The following TATDN2 variants were observed in gnomAD, a reference collection of about 807,000 sequenced individuals.
TATDN2 encodes TatD DNase domain containing 2.
A neutral mutation model predicts 60.3 loss-of-function variants in TATDN2; 44 were observed. The observed-to-expected ratio is 0.73, with a 90% confidence interval of 0.57 to 0.94. The LOEUF (loss-of-function observed/expected upper bound fraction) is 0.94. Ranked by LOEUF, TATDN2 falls within the 40% of genes least tolerant of loss-of-function variation. The pLI is 0.00. For synonymous variants in TATDN2, 399 were observed against 355.8 expected (o/e 1.12, Z -1.37); for missense variants, 997 against 948.0 (o/e 1.05, Z -0.68).
intron 3 of TATDN2, among the ~76,000 whole-genome samples, chr3:10,262,563 T>G (rs1698422329): frequency 7.6e-6 from 1 of 131,988 alleles, no homozygotes; most frequent in South Asian, 2.5e-4. Context: ...AGGTGGAGTC[T>G]CGTTCTGTCT....
At chr3:10,253,641 T>G (rs992984053) in intron 2 of TATDN2, among the ~76,000 whole-genome samples, 1 of 152,244 alleles carries the variant, frequency 6.6e-6, no homozygotes, top group Admixed American at 6.5e-5. Flanking sequence ...AGGGAAAATT[T>G]GAGCATGTAT....
intron 2 of TATDN2, among the ~76,000 whole-genome samples, chr3:10,255,217 T>C (rs1698291098): frequency 6.6e-6 from 1 of 151,890 alleles, no homozygotes; most frequent in African/African-American, 2.4e-5. Context: ...TTTTGCCATG[T>C]TGCCCAGGCT....
Position 10,270,488 on chromosome 3 carries a change from G to C in TATDN2, c.1306G>C (p.Ala436Pro), listed in dbSNP as rs776992008. 2 of 1,614,186 alleles carry C rather than the reference G, an allele frequency of 1.2e-6. No individual in the cohort carries two copies. Among genetic ancestry groups the C allele is most frequent in the South Asian group, 1.1e-5 (1 of 91,086 alleles). The part of the protein sequence containing the change: ...SVQNTSRDME[A>P]SEEGWSQNSR... ...CCAAAACACCTCCAGAGACATGGAG[G>C]CCTCAGAGGAAGGCTGGTCCCAGAA... Residue 436 changes from alanine (A) to proline (P), a missense_variant, in exon 4 of 8, where the codon GCC (alanine) becomes CCC (proline). Physicochemically the swap from Ala to Pro is conservative, Grantham distance 27 (BLOSUM62 -1). Transcript: ENST00000448281.
chr3:10,276,581 ACTAT>A (rs1455329425), intron 5 of TATDN2, 93 bp downstream of exon 5: 21 of 1,483,864 alleles, frequency 1.4e-5, no homozygotes, highest in East Asian at 2.4e-5. Flanking sequence ...GTCATTATAC[ACTAT>A]CTATTCTTTT....
At chr3:10,263,867 G>C (rs1630999) in intron 3 of TATDN2, among the ~76,000 whole-genome samples, 64,846 of 151,752 alleles carry the variant, frequency 0.43, 14,922 homozygotes, top group East Asian at 0.95. Context: ...GGATGATCGG[G>C]AGAATATAAC....
intron 3 of TATDN2, 80 bp downstream of exon 3, chr3:10,260,750 G>A (rs1398131213): frequency 2.0e-6 from 3 of 1,485,880 alleles, no homozygotes; most frequent in East Asian, 4.6e-5. Context: ...TTGATCCTAA[G>A]TGTTACTAAT....
At chr3:10,263,543 C>T (rs998550345) in intron 3 of TATDN2, among the ~76,000 whole-genome samples, 14 of 152,076 alleles carry the variant, frequency 9.2e-5, no homozygotes, top group Non-Finnish European at 1.5e-4. Context: ...TTTTCTTTAT[C>T]TTCCAACCCA....
chr3:10,255,669 C>T (rs1046224950), intron 2 of TATDN2, among the ~76,000 whole-genome samples: 1 of 152,090 alleles, frequency 6.6e-6, no homozygotes, highest in Non-Finnish European at 1.5e-5. Context: ...AGGCTGGGTG[C>T]GGTGGCTCAT....
At position 10,278,423 on chromosome 3, in the gene TATDN2, C is replaced by A. The variant is rs1169463786; in HGVS notation, c.2106C>A (p.Ile702=). The A allele has an allele frequency of 5.6e-6, 9 of 1,613,818 alleles. No individual in the cohort carries two copies. The highest frequency in any genetic ancestry group is 7.6e-6 in the Non-Finnish European group (9 of 1,179,844). The change falls in exon 6 of 8, where the codon ATC becomes ATA. Residue 702 remains isoleucine (I), a synonymous_variant. Coordinates refer to ENST00000448281, the MANE Select transcript of TATDN2 (RefSeq NM_014760.4). The surrounding 1 kb of genome is among the most constrained non-coding windows in gnomAD (Gnocchi z 4.7). ...TGAGGCAGATCCCACTGGAGAGAAT[C>A]ATCGTGGAAACGGATGCTCCCTATT... ...EALRQIPLER[I]IVETDAPYFL...
intron 3 of TATDN2, among the ~76,000 whole-genome samples, chr3:10,263,451 T>A (rs1698435685): frequency 6.6e-6 from 1 of 152,178 alleles, no homozygotes; most frequent in Admixed American, 6.5e-5. Flanking sequence ...GATGTTGGAT[T>A]TTTCAGGACT....
chr3:10,278,705 C>T lies in TATDN2; in HGVS notation c.2146-180C>T, dbSNP rs1213495836. On this transcript the variant is annotated intron_variant, in intron 6 of 7. Transcript: ENST00000448281. The surrounding 1 kb of genome is among the most constrained non-coding windows in gnomAD (Gnocchi z 4.7). The stretch of plus-strand genomic sequence containing the variant: ...CCCTGTAGAGGGTAGTCCAAGGAAG[C>T]GTGGGACCCTGCTCACCCAGAGCCC... The T allele has an allele frequency of 2.3e-5, 24 of 1,048,524 alleles. No individual in the cohort carries two copies. Among genetic ancestry groups the T allele is most frequent in the South Asian group, 8.1e-5 (6 of 74,380 alleles). 65.0% of individuals were successfully genotyped at this position (1,048,524 alleles called of 1,614,324 possible). A position where few individuals can be genotyped will look rare whatever the true frequency, so the allele number is the denominator to read the frequency against.
intron 4 of TATDN2, among the ~76,000 whole-genome samples, chr3:10,271,357 G>A (rs1180082819): frequency 1.3e-5 from 2 of 152,198 alleles, no homozygotes; most frequent in Non-Finnish European, 2.9e-5. Context: ...TTTTGCCCAG[G>A]CTTTGGAGTG....
chr3:10,258,558 C>T (rs1412675036), intron 2 of TATDN2, among the ~76,000 whole-genome samples: 1 of 151,806 alleles, frequency 6.6e-6, no homozygotes, highest in Non-Finnish European at 1.5e-5. Context: ...GCAACCTCTG[C>T]CTTCCGATTC....
chr3:10,260,205 T>C lies in TATDN2; in HGVS notation c.483T>C (p.Asn161=), dbSNP rs577835820. Residue 161 remains asparagine, a synonymous_variant, in exon 3 of 8, where the codon AAT becomes AAC. Transcript: ENST00000448281. ...TTGCAGCTGAAGCTGAGGGTCAGAA[T>C]GATACAATTGAGGAACCCAACAAGG... ...SEFAAEAEGQ[N]DTIEEPNKVQ... is the part of the protein sequence containing the mutation. 1.2e-5 allele frequency: 19 copies of C among 1,614,090 alleles called. No homozygotes were observed. The South Asian group carries it at 2.1e-4, about 18-fold the overall frequency.
chr3:10,262,752 C>G (rs890587836), intron 3 of TATDN2, among the ~76,000 whole-genome samples: 2 of 151,254 alleles, frequency 1.3e-5, no homozygotes, highest in East Asian at 3.9e-4. Flanking sequence ...CCAGGCTGGT[C>G]TCAAACTTCT....
Position 10,270,276 on chromosome 3 carries a change from C to T in TATDN2, c.1094C>T (p.Thr365Ile). 6.2e-7 allele frequency: 1 copy of T among 1,614,222 alleles called. No individual in the cohort carries two copies. The highest frequency in any genetic ancestry group is 1.7e-5 in the Admixed American group (1 of 60,024). The change falls in exon 4 of 8, where the codon ACC (threonine) becomes ATC (isoleucine). Residue 365 changes from threonine to isoleucine, a missense_variant. Physicochemically the swap from Thr to Ile is moderately conservative, Grantham distance 89 (BLOSUM62 -1). Transcript: ENST00000448281. Reference sequence around the variant, plus strand: ...GTTCCGGAGCCTTCTTCCTTCACCACCGACTATGTCATGTACCCTCCTCAT... The same window carrying T: ...GTTCCGGAGCCTTCTTCCTTCACCATCGACTATGTCATGTACCCTCCTCAT... ...SAVPEPSSFT[T>I]DYVMYPPHLY...
In TATDN2 at chr3:10,249,605, C is replaced by T. The variant is rs1433891552; in HGVS notation, c.405C>T (p.Cys135=). 1 of 1,517,752 alleles carries T rather than the reference C, an allele frequency of 6.6e-7. No individual in the cohort carries two copies. The highest frequency in any genetic ancestry group is 1.4e-5 in the African/African-American group (1 of 71,600). The allele number at this position is 1,517,752 out of a possible 1,614,324, so 94.0% of individuals were successfully genotyped here. The change falls in exon 2 of 8, where the codon TGC becomes TGT. Residue 135 remains cysteine, a synonymous_variant. Transcript: ENST00000448281. ...EEMASLEEEA[C]SLKVDSKDSS... is the part of the protein sequence containing the mutation. ...TGGCTTCTCTAGAGGAGGAAGCCTG[C>T]AGCCTTAAGGTAGGTGGCTGCCACG... is the stretch of plus-strand genomic sequence containing the variant.
rs139484139 is a variant in TATDN2, at chr3:10,279,066, C to G, written c.*38+3C>G. 5 of 1,590,140 alleles carry G rather than the reference C, an allele frequency of 3.1e-6. No individual in the cohort carries two copies. In the African/African-American group the frequency reaches 4.1e-5, roughly 13 times the overall value. On this transcript the variant is annotated splice_donor_region_variant and intron_variant, in intron 7 of 7. Transcript: ENST00000448281. ...TCCTCGGGAGTCTCCTAGAAAAGGT[C>G]GTAAAACTCACATTCTGTATTTTTT... is the stretch of plus-strand genomic sequence containing the variant.
In TATDN2 at chr3:10,276,254, T is replaced by TA. The variant is rs942550902; in HGVS notation, c.1834-100dup. The TA allele has an allele frequency of 2.8e-5, 39 of 1,394,462 alleles. No homozygotes were observed. In the East Asian group the frequency reaches 4.4e-4, roughly 16 times the overall value. The allele number at this position is 1,394,462 out of a possible 1,614,324, so 86.4% of individuals were successfully genotyped here. A position where few individuals can be genotyped will look rare whatever the true frequency, so the allele number is the denominator to read the frequency against. ...ATTAGCTATTATTACATTATATAGT[T>TA]AAAAAAAGAGAGACACAGGGGGTGC... On this transcript the variant is annotated intron_variant, in intron 4 of 7. Coordinates refer to ENST00000448281, the MANE Select transcript of TATDN2 (RefSeq NM_014760.4).
Sources: allele counts gnomAD v4.1 joint callset (sites outside exome capture counted in the v4.1 genomes callset), GRCh38; gene constraint gnomAD v4.1.1; non-coding constraint Gnocchi (gnomAD v3.1); transcripts MANE v1.5; gene names NCBI Gene and HGNC (gene_info 2026-07-23, HGNC 2026-07-21).